Variants in ELP6 observed in about 807,000 individuals in gnomAD.
ELP6 encodes the protein elongator acetyltransferase complex subunit 6.
Under a neutral mutation model 28.1 loss-of-function variants are expected in ELP6, and 23 were observed. The observed-to-expected ratio is 0.82, with a 90% CI of 0.59 to 1.16. The LOEUF is 1.16. Ranked by LOEUF, ELP6 falls within the 50% of genes most tolerant of loss-of-function variation. ELP6 has a pLI of 0.00. For synonymous variants in ELP6, 132 were observed against 135.8 expected (o/e 0.97, Z 0.19); for missense variants, 313 against 334.6 (o/e 0.94, Z 0.50).
chr3:47,510,472 T>G (rs907176843), intron 2 of ELP6, among the ~76,000 whole-genome samples: 8 of 152,206 alleles, frequency 5.3e-5, no homozygotes, highest in Non-Finnish European at 4.4e-5. Context: ...GATGTAGTAC[T>G]AGGTACTTAT....
In ELP6 at chr3:47,505,504, A is replaced by T. The variant is rs572756785; in HGVS notation, c.205-1056T>A. The stretch of plus-strand genomic sequence containing the variant: ...ACTGCAACCTCTGCCTCCTAGGTTC[A>T]AGCGATTCTTGTGCCTCAACCTCTT... On this transcript the variant is annotated intron_variant, in intron 3 of 6. Transcript: ENST00000296149. Among the ~76,000 whole-genome samples the T allele has an allele frequency of 5.3e-5, 8 of 152,250 alleles. No individual in the cohort carries two copies. The South Asian group carries it at 1.0e-3, about 20-fold the overall frequency.
At position 47,495,862 on chromosome 3, in the gene ELP6, C is replaced by A. The variant is rs1223057458; in HGVS notation, c.*207G>T. The A allele has an allele frequency of 1.1e-5, 8 of 716,154 alleles. No individual in the cohort carries two copies. The highest frequency in any genetic ancestry group is 1.7e-5 in the Non-Finnish European group (8 of 470,788). 44.4% of individuals were successfully genotyped at this position (716,154 alleles called of 1,614,324 possible). ...CATCCAGCCTCTCTCTCAGCAAAGG[C>A]AGGATTGTGGTCCCTTGTGTTTTCT... On this transcript the variant is annotated 3_prime_UTR_variant, in exon 7 of 7. Transcript: ENST00000296149.
intron 6 of ELP6, 59 bp downstream of exon 6, chr3:47,498,227 T>G (rs775116996): frequency 1.3e-6 from 2 of 1,596,234 alleles, no homozygotes; most frequent in South Asian, 2.2e-5. Flanking sequence ...CTCCCCTATG[T>G]AGTCAAGAAT....
chr3:47,498,762 C>T (rs1229860934), intron 5 of ELP6: 2 of 959,366 alleles, frequency 2.1e-6, no homozygotes, highest in Non-Finnish European at 1.2e-6. Context: ...TTCATTCAGT[C>T]AACAGTTCCT....
chr3:47,507,168 GC>G (rs1211177830), intron 3 of ELP6, among the ~76,000 whole-genome samples: 1 of 152,014 alleles, frequency 6.6e-6, no homozygotes, highest in Non-Finnish European at 1.5e-5. Flanking sequence ...TTTGAGACCA[GC>G]CTGGACAACA....
chr3:47,506,583 G>T (rs1252331369), intron 3 of ELP6, among the ~76,000 whole-genome samples: 2 of 152,208 alleles, frequency 1.3e-5, no homozygotes, highest in Non-Finnish European at 2.9e-5. Flanking sequence ...TTTGAAAGAA[G>T]AGAAATATGG....
At chr3:47,508,731 G>C (rs938940035) in intron 3 of ELP6, among the ~76,000 whole-genome samples, 4 of 151,492 alleles carry the variant, frequency 2.6e-5, no homozygotes, top group East Asian at 1.9e-4. Flanking sequence ...GGGCAGGGGT[G>C]GGGGAGTTGC....
At chr3:47,513,335 T>C (rs1476516769) in intron 1 of ELP6, 1 of 1,399,728 alleles carries the variant, frequency 7.1e-7, no homozygotes, top group Non-Finnish European at 9.2e-7. Context: ...GTTGAGAATA[T>C]GCGAGATGGC....
At chr3:47,506,445 G>A (rs1230010136) in intron 3 of ELP6, among the ~76,000 whole-genome samples, 1 of 152,114 alleles carries the variant, frequency 6.6e-6, no homozygotes, top group Non-Finnish European at 1.5e-5. Context: ...CATCCCTACA[G>A]CCTCGACCAT....
intron 1 of ELP6, chr3:47,512,693 T>A (rs967892481): frequency 1.7e-4 from 169 of 985,296 alleles, no homozygotes; most frequent in Non-Finnish European, 1.9e-4. Context: ...AAGACGGACT[T>A]GGTCCAAGCC....
chr3:47,505,869 G>A (rs1708819992), intron 3 of ELP6, among the ~76,000 whole-genome samples: 1 of 152,144 alleles, frequency 6.6e-6, no homozygotes, highest in Admixed American at 6.5e-5. Flanking sequence ...ACCGTGCCCG[G>A]CCTAATTTTT....
chr3:47,506,619 GT>G (rs1377740249), intron 3 of ELP6, among the ~76,000 whole-genome samples: 1 of 152,214 alleles, frequency 6.6e-6, no homozygotes, highest in Non-Finnish European at 1.5e-5. Flanking sequence ...CTCACCAGCG[GT>G]CAGAGTTTAA....
intron 6 of ELP6, 168 bp downstream of exon 6, chr3:47,498,118 G>A (rs371089188): frequency 2.5e-5 from 34 of 1,348,476 alleles, no homozygotes; most frequent in East Asian, 1.0e-4. Context: ...GAGGCTAAGC[G>A]CAATCTGGAG....
At chr3:47,501,628 G>C (rs758898977) in intron 5 of ELP6, 22 bp downstream of exon 5, 4 of 1,612,600 alleles carry the variant, frequency 2.5e-6, no homozygotes, top group Non-Finnish European at 1.7e-6. Context: ...GGTGGGCGCA[G>C]AGAAGGCAGT....
chr3:47,500,229 G>C (rs1269374943), intron 5 of ELP6: 6 of 1,078,496 alleles, frequency 5.6e-6, no homozygotes, highest in Non-Finnish European at 6.8e-6. Flanking sequence ...ATGAAAAAAA[G>C]AAGTAGCGAA....
chr3:47,504,739 T>G, intron 3 of ELP6: 1 of 732,316 alleles, frequency 1.4e-6, no homozygotes, highest in East Asian at 1.3e-4. Flanking sequence ...GTGGATCATT[T>G]GAGCCCAGAA....
At position 47,501,761 on chromosome 3, in the gene ELP6, G is replaced by A. The variant is rs993246926; in HGVS notation, c.414C>T (p.Tyr138=). 1.2e-6 allele frequency: 2 copies of A among 1,607,356 alleles called. No individual in the cohort carries two copies. The highest frequency in any genetic ancestry group is 2.2e-5 in the East Asian group (1 of 44,524). ...PVDSGEARWT[Y]PVLLVDDLSV... ...TGAGGTCGTCCACCAACAGCACCGG[G>A]TACGTCCACCGAGCCTCTCCACTGT... Residue 138 remains tyrosine (Y), a synonymous_variant, in exon 5 of 7, where the codon TAC becomes TAT. Coordinates refer to ENST00000296149, the MANE Select transcript of ELP6 (RefSeq NM_001031703.3).
intron 4 of ELP6, 81 bp from the exon 5 acceptor site, chr3:47,501,932 G>A: frequency 2.3e-6 from 3 of 1,301,980 alleles, no homozygotes; most frequent in Non-Finnish European, 3.2e-6. Context: ...GACAGGAGAG[G>A]GCTAAGGGGG....
At chr3:47,511,430 T>C in intron 1 of ELP6, 2 of 1,381,996 alleles carry the variant, frequency 1.4e-6, no homozygotes, top group Non-Finnish European at 1.9e-6. Context: ...CACTTATTGT[T>C]ACTCATGATA....
Sources: gnomAD v4.1 joint callset for allele counts (sites outside exome capture counted in the v4.1 genomes callset) on GRCh38, gnomAD v4.1.1 for gene constraint, MANE v1.5 for transcripts, NCBI Gene and HGNC (gene_info 2026-07-23, HGNC 2026-07-21) for gene names.